GRIP1: variants seen among roughly 807,000 people sequenced by gnomAD.
GRIP1 encodes the protein glutamate receptor interacting protein 1, also known as glutamate receptor-interacting protein 1.
GRIP1 carries 45 observed loss-of-function variants against 129.9 expected under a neutral mutation model. The observed-to-expected ratio is 0.35, with a 90% CI of 0.27 to 0.44. The LOEUF is 0.44. GRIP1 is among the 20% of genes least tolerant of loss of function. The pLI is 1.00. For missense variants in GRIP1, 1,196 were observed against 1,396.8 expected (o/e 0.86, Z 2.29); for synonymous variants, 530 against 520.8 (o/e 1.02, Z -0.24).
Position 67,054,360 on chromosome 12 carries a change from T to G in GRIP1, c.58+14690A>C, listed in dbSNP as rs190870476. 8.1e-4 allele frequency among the ~76,000 whole-genome samples: 124 copies of G among 152,294 alleles called. 1 individual carries two copies. In the East Asian group the frequency reaches 0.018, roughly 23 times the overall value. On this transcript the variant is annotated intron_variant, in intron 1 of 1. Transcript: ENST00000643019. ...ACAACAGTAACGAAACAGATAAAAA[T>G]TCCTGCTTTCAAGTGGCTTCCATTA...
At chr12:66,798,252 T>C (rs1034851047) in intron 1 of GRIP1, among the ~76,000 whole-genome samples, 47 of 152,154 alleles carry the variant, frequency 3.1e-4, no homozygotes, top group African/African-American at 1.1e-3. Context: ...TGTGTTTGTA[T>C]AGTTAAAACA....
chr12:66,762,536 G>A (rs1467147483), intron 1 of GRIP1, among the ~76,000 whole-genome samples: 1 of 152,006 alleles, frequency 6.6e-6, no homozygotes, highest in African/African-American at 2.4e-5. Flanking sequence ...CATATATGCT[G>A]TATGATTTAA....
At chr12:66,916,370 A>G (rs2041122106) in intron 1 of GRIP1, among the ~76,000 whole-genome samples, 1 of 152,098 alleles carries the variant, frequency 6.6e-6, no homozygotes, top group Non-Finnish European at 1.5e-5. Context: ...CCTGGTGTTC[A>G]TGCTCCCTTC....
chr12:66,495,560 C>CT (rs908825363), intron 7 of GRIP1, among the ~76,000 whole-genome samples: 27 of 151,878 alleles, frequency 1.8e-4, no homozygotes, highest in Non-Finnish European at 8.8e-5. Context: ...AAAAATGAAA[C>CT]TTTTTTTTCC....
At chr12:66,820,581 T>C (rs1268522971) in intron 1 of GRIP1, among the ~76,000 whole-genome samples, 1 of 152,162 alleles carries the variant, frequency 6.6e-6, no homozygotes, top group Non-Finnish European at 1.5e-5. Context: ...TTGTTCATAA[T>C]TGCCAAAATT....
intron 1 of GRIP1, among the ~76,000 whole-genome samples, chr12:66,866,984 A>G (rs1486970873): frequency 6.6e-6 from 1 of 151,990 alleles, no homozygotes; most frequent in Non-Finnish European, 1.5e-5. Context: ...TTCATATTGT[A>G]TATTTTATTT....
intron 1 of GRIP1, among the ~76,000 whole-genome samples, chr12:66,957,433 T>C (rs2041859201): frequency 6.6e-6 from 1 of 151,268 alleles, no homozygotes; most frequent in African/African-American, 2.4e-5. Context: ...TATATATATA[T>C]ATATTTCTTT....
chr12:66,959,349 A>T (rs2041889543), intron 1 of GRIP1, among the ~76,000 whole-genome samples: 3 of 152,198 alleles, frequency 2.0e-5, no homozygotes. Flanking sequence ...TGAACTAAAA[A>T]ATGTGTTTAC....
At position 66,767,340 on chromosome 12, in the gene GRIP1, CAAAA is replaced by C. The variant is rs2037672778; in HGVS notation, c.-420+36709_-420+36712del. Among the ~76,000 whole-genome samples the C allele has an allele frequency of 2.0e-5, 3 of 151,978 alleles. No individual in the cohort carries two copies. In the South Asian group the frequency reaches 6.3e-4, roughly 32 times the overall value. The stretch of plus-strand genomic sequence containing the variant: ...AGGAGGGGAGAAAGGAAGCAGTTCT[CAAAA>C]GAAGCATCTAAGGACAAGAGGCTTA... On this transcript the variant is annotated intron_variant, in intron 1 of 4. Coordinates refer to the GRIP1 transcript ENST00000538373.
intron 1 of GRIP1, among the ~76,000 whole-genome samples, chr12:66,694,177 G>C (rs908604572): frequency 6.6e-6 from 1 of 152,194 alleles, no homozygotes; most frequent in African/African-American, 2.4e-5. Context: ...AGGGGTCCTT[G>C]AGGAGTGCAC....
chr12:66,824,664 G>A (rs1165641039), intron 1 of GRIP1, among the ~76,000 whole-genome samples: 1 of 152,116 alleles, frequency 6.6e-6, no homozygotes, highest in Non-Finnish European at 1.5e-5. Flanking sequence ...GGAAACTCAT[G>A]ATTCAAGGAT....
At chr12:66,472,231 A>G (rs1324225558) in intron 7 of GRIP1, among the ~76,000 whole-genome samples, 1 of 152,198 alleles carries the variant, frequency 6.6e-6, no homozygotes, top group Non-Finnish European at 1.5e-5. Context: ...CTTAAAAACT[A>G]TATTTACTAA....
At chr12:66,570,145 G>A (rs1221182753) in intron 2 of GRIP1, among the ~76,000 whole-genome samples, 1 of 150,226 alleles carries the variant, frequency 6.7e-6, no homozygotes. Context: ...TAGAGACAGG[G>A]TCTTACTCCG....
intron 1 of GRIP1, among the ~76,000 whole-genome samples, chr12:66,908,503 C>T (rs1050100716): frequency 6.6e-6 from 1 of 152,058 alleles, no homozygotes; most frequent in African/African-American, 2.4e-5. Context: ...TTTGTTAGAA[C>T]GGTTTCAGAA....
At chr12:66,863,970 C>A (rs950555093) in intron 1 of GRIP1, among the ~76,000 whole-genome samples, 1 of 152,094 alleles carries the variant, frequency 6.6e-6, no homozygotes, top group Non-Finnish European at 1.5e-5. Flanking sequence ...GCTGTGCCAC[C>A]ACTAGAAGGT....
intron 1 of GRIP1, among the ~76,000 whole-genome samples, chr12:66,636,789 T>C (rs1401516499): frequency 6.6e-6 from 1 of 150,942 alleles, no homozygotes; most frequent in African/African-American, 2.4e-5. Flanking sequence ...TGTGAGGACA[T>C]GAAGAGAAGG....
intron 1 of GRIP1, among the ~76,000 whole-genome samples, chr12:66,863,231 A>G (rs1029295829): frequency 1.3e-5 from 2 of 152,156 alleles, no homozygotes; most frequent in Non-Finnish European, 2.9e-5. Flanking sequence ...TTATTCATTC[A>G]TGCAGGCATA....
At chr12:66,505,175 A>G (rs888588334) in intron 7 of GRIP1, among the ~76,000 whole-genome samples, 1 of 152,230 alleles carries the variant, frequency 6.6e-6, no homozygotes. Context: ...TGAGTCCTTA[A>G]AAGTAGAGGA....
At chr12:66,692,894 T>A (rs2035028213) in intron 1 of GRIP1, among the ~76,000 whole-genome samples, 1 of 152,310 alleles carries the variant, frequency 6.6e-6, no homozygotes, top group East Asian at 1.9e-4. Flanking sequence ...TACAGAATTA[T>A]TTCGTAAGTC....
Sources: allele counts gnomAD v4.1 joint callset (sites outside exome capture counted in the v4.1 genomes callset), GRCh38; gene constraint gnomAD v4.1.1; transcripts MANE v1.5; gene names NCBI Gene and HGNC (gene_info 2026-07-23, HGNC 2026-07-21).